Variants in DAB1 observed in about 807,000 individuals in gnomAD.
DAB1 encodes disabled homolog 1.
In DAB1, 15 loss-of-function variants were observed where a neutral mutation model predicts 64.6. That is an observed-to-expected ratio of 0.23 (90% CI 0.16 to 0.36). The LOEUF (loss-of-function observed/expected upper bound fraction) is 0.36. DAB1 is among the 10% of genes least tolerant of loss of function. DAB1 has a pLI of 1.00. For synonymous variants in DAB1, 235 were observed against 251.9 expected, an observed-to-expected ratio of 0.93 and a Z score of 0.64; for missense variants, 596 against 706.7, an observed-to-expected ratio of 0.84 and a Z score of 1.78.
chr1:58,112,822 G>C (rs1342875), intron 5 of DAB1, among the ~76,000 whole-genome samples: 45,802 of 152,050 alleles, frequency 0.3, 8,081 homozygotes, highest in African/African-American at 0.48. Context: ...CCTGTCAAGT[G>C]GGTGGTGTGA....
At chr1:57,650,175 T>C (rs1209647960) in intron 6 of DAB1, among the ~76,000 whole-genome samples, 2 of 152,206 alleles carry the variant, frequency 1.3e-5, no homozygotes, top group Admixed American at 6.5e-5. Flanking sequence ...TGTCACTCTG[T>C]TGCCCACACT....
At chr1:58,128,897 A>C (rs965753018) in intron 5 of DAB1, among the ~76,000 whole-genome samples, 1 of 149,206 alleles carries the variant, frequency 6.7e-6, no homozygotes, top group African/African-American at 2.5e-5. Context: ...ATGTTCATCA[A>C]GGATATTGGT....
chr1:58,226,150 G>C (rs1239238276), intron 4 of DAB1, among the ~76,000 whole-genome samples: 1 of 152,060 alleles, frequency 6.6e-6, no homozygotes, highest in Non-Finnish European at 1.5e-5. Context: ...CCAAGTCATG[G>C]TATCTCCATC....
chr1:57,332,999 G>A (rs1250085075), intron 1 of DAB1, among the ~76,000 whole-genome samples: 2 of 152,162 alleles, frequency 1.3e-5, no homozygotes, highest in Non-Finnish European at 2.9e-5. Context: ...CTCTTTGCGT[G>A]GCTGTTTCTT....
At chr1:57,465,480 T>C (rs1033477457) in intron 7 of DAB1, among the ~76,000 whole-genome samples, 1 of 152,358 alleles carries the variant, frequency 6.6e-6, no homozygotes, top group Non-Finnish European at 1.5e-5. Context: ...TGAGTGAAGC[T>C]AATGCAGCCC....
intron 3 of DAB1, among the ~76,000 whole-genome samples, chr1:58,463,053 T>C (rs932045275): frequency 1.3e-5 from 2 of 152,182 alleles, no homozygotes; most frequent in Admixed American, 6.5e-5. Context: ...ACTCTGAAGA[T>C]GAGAAAGTAT....
rs182772754 is a variant in DAB1, at chr1:58,528,030, T to A, written n.33-695A>T. On this transcript the variant is annotated intron_variant and non_coding_transcript_variant, in intron 1 of 20. Coordinates refer to the DAB1 transcript ENST00000485760. ...GGACTTTTGAGAAAAGAGCTATTAA[T>A]TGGGGAAGCAATCTTTCAAAGGTAG... 3.5e-4 allele frequency among the ~76,000 whole-genome samples: 53 copies of A among 152,366 alleles called. No homozygotes were observed. The East Asian group carries it at 9.0e-3, about 26-fold the overall frequency.
intron 9 of DAB1, among the ~76,000 whole-genome samples, chr1:57,057,997 TA>T (rs1167919597): frequency 6.6e-6 from 1 of 152,166 alleles, no homozygotes; most frequent in Non-Finnish European, 1.5e-5. Flanking sequence ...TTAATGACTT[TA>T]AACACTTTCC....
chr1:57,754,286 G>T (rs918795744), intron 6 of DAB1, among the ~76,000 whole-genome samples: 1 of 152,144 alleles, frequency 6.6e-6, no homozygotes, highest in Non-Finnish European at 1.5e-5. Context: ...CCACTTTATG[G>T]AAAGCTATTT....
chr1:57,426,489 G>T (rs1021510899), upstream of DAB1, among the ~76,000 whole-genome samples: 19 of 152,024 alleles, frequency 1.2e-4, no homozygotes, highest in South Asian at 4.2e-4. Context: ...ATAATTAGGG[G>T]TTTTTTTCTT....
chr1:58,335,205 G>A (rs1054987728), intron 4 of DAB1, among the ~76,000 whole-genome samples: 2 of 152,192 alleles, frequency 1.3e-5, no homozygotes, highest in Admixed American at 6.5e-5. Flanking sequence ...CAGGTAGAAG[G>A]ACTAGCAAAG....
chr1:57,407,721 T>C (rs1428928330), intron 1 of DAB1, among the ~76,000 whole-genome samples: 1 of 152,080 alleles, frequency 6.6e-6, no homozygotes, highest in Non-Finnish European at 1.5e-5. Context: ...GGCCATCCTG[T>C]CTATCTGGTA....
chr1:58,402,866 C>G (rs762507047), intron 3 of DAB1, among the ~76,000 whole-genome samples: 11 of 152,178 alleles, frequency 7.2e-5, no homozygotes, highest in African/African-American at 2.7e-4. Flanking sequence ...TCAAATACCC[C>G]CATGAGGAAT....
intron 5 of DAB1, among the ~76,000 whole-genome samples, chr1:57,893,987 G>A (rs1373417384): frequency 6.6e-6 from 1 of 152,118 alleles, no homozygotes; most frequent in Non-Finnish European, 1.5e-5. Flanking sequence ...CGCCTCAACT[G>A]AGCATGCATA....
At chr1:58,259,827 T>G (rs1020761264) in intron 4 of DAB1, among the ~76,000 whole-genome samples, 1 of 152,166 alleles carries the variant, frequency 6.6e-6, no homozygotes, top group Non-Finnish European at 1.5e-5. Context: ...AATGGTCTGG[T>G]TAGGAGCTGG....
upstream of DAB1, among the ~76,000 whole-genome samples, chr1:57,424,951 G>C (rs564474042): frequency 1.3e-5 from 2 of 152,300 alleles, no homozygotes; most frequent in East Asian, 1.9e-4. Context: ...AGCTGTGCGG[G>C]AGGCGGCTCC....
intron 6 of DAB1, among the ~76,000 whole-genome samples, chr1:57,684,166 A>T (rs1377541551): frequency 6.6e-6 from 1 of 152,282 alleles, no homozygotes; most frequent in South Asian, 2.1e-4. Context: ...GAGAGAAAAG[A>T]AAAGAAAGTA....
chr1:57,447,552 C>T (rs898271977), intron 7 of DAB1, among the ~76,000 whole-genome samples: 1 of 152,148 alleles, frequency 6.6e-6, no homozygotes, highest in South Asian at 2.1e-4. Context: ...CTTCTGTGGG[C>T]TTTATTTTCA....
intron 6 of DAB1, among the ~76,000 whole-genome samples, chr1:57,656,146 A>C (rs763658173): frequency 1.4e-4 from 21 of 152,168 alleles, no homozygotes; most frequent in Non-Finnish European, 2.5e-4. Context: ...TGGCTGTCGG[A>C]AACCCAGAAG....
Sources: allele counts gnomAD v4.1 joint callset (sites outside exome capture counted in the v4.1 genomes callset), GRCh38; gene constraint gnomAD v4.1.1; transcripts MANE v1.5; gene names NCBI Gene and HGNC (gene_info 2026-07-23, HGNC 2026-07-21).